SUGCT: variants seen among roughly 807,000 people sequenced by gnomAD.
SUGCT encodes the protein succinyl-CoA:glutarate-CoA transferase.
In SUGCT, 41 loss-of-function variants were observed where a neutral mutation model predicts 55.0. The observed-to-expected ratio is 0.74, with a 90% CI of 0.58 to 0.97. SUGCT has a LOEUF of 0.97. Among genes scored for constraint, SUGCT ranks in the 50% least tolerant of loss-of-function variants. The pLI, the probability that SUGCT is intolerant of heterozygous loss-of-function variation, is 0.00. For missense variants in SUGCT, 568 were observed against 547.8 expected (o/e 1.04, Z -0.37); for synonymous variants, 187 against 200.4 (o/e 0.93, Z 0.56).
intron 6 of SUGCT, among the ~76,000 whole-genome samples, chr7:40,208,156 A>G (rs888852824): frequency 2.6e-5 from 4 of 152,192 alleles, no homozygotes; most frequent in Admixed American, 2.0e-4. Flanking sequence ...GACAGGAAGT[A>G]AAATGGTAGT....
At chr7:40,171,872 G>A (rs1784686898) in intron 1 of SUGCT, among the ~76,000 whole-genome samples, 1 of 152,202 alleles carries the variant, frequency 6.6e-6, no homozygotes, top group South Asian at 2.1e-4. Flanking sequence ...TCACGGAGAA[G>A]ATCTTCAATT....
At chr7:40,526,036 C>A in intron 12 of SUGCT, among the ~76,000 whole-genome samples, 1 of 152,132 alleles carries the variant, frequency 6.6e-6, no homozygotes, top group South Asian at 2.1e-4. Context: ...CATGAATATA[C>A]AGTTACCTGT....
chr7:40,946,597 C>A, the SUGCT span, among the ~76,000 whole-genome samples: 2 of 152,096 alleles, frequency 1.3e-5, no homozygotes, highest in African/African-American at 2.4e-5. Flanking sequence ...TTCTAAAGGG[C>A]TTTTTAAAGT....
At chr7:40,195,208 C>G in intron 6 of SUGCT, 148 bp downstream of exon 6, 1 of 524,910 alleles carries the variant, frequency 1.9e-6, no homozygotes, top group South Asian at 4.1e-5. Context: ...GCTGAACTTA[C>G]TTTTTTCTTT....
rs149410540 is a variant in SUGCT, at chr7:40,582,105, C to T, written c.1089+85719C>T. 1.6e-4 allele frequency among the ~76,000 whole-genome samples: 25 copies of T among 152,116 alleles called. No homozygotes were observed. The East Asian group carries it at 4.6e-3, about 28-fold the overall frequency. On this transcript the variant is annotated intron_variant, in intron 12 of 13. Transcript: ENST00000335693. Reference sequence around the variant, plus strand: ...TACAGTTCTGGACAAACAGACATCGCTCTCTATAACAATAATAAGGAAAAG... The same window carrying T: ...TACAGTTCTGGACAAACAGACATCGTTCTCTATAACAATAATAAGGAAAAG...
intron 1 of SUGCT, among the ~76,000 whole-genome samples, chr7:40,140,326 T>G (rs893409131): frequency 4.6e-5 from 7 of 152,230 alleles, no homozygotes; most frequent in Admixed American, 1.3e-4. Flanking sequence ...TGTTGTCGAC[T>G]TTGTCAAAAA....
chr7:40,599,181 G>C (rs1030968003), intron 12 of SUGCT, among the ~76,000 whole-genome samples: 2 of 152,164 alleles, frequency 1.3e-5, no homozygotes, highest in Admixed American at 6.5e-5. Context: ...AGAAGCTGGT[G>C]CTCGAGATTT....
At chr7:40,553,231 A>C (rs1292358322) in intron 12 of SUGCT, among the ~76,000 whole-genome samples, 1 of 152,202 alleles carries the variant, frequency 6.6e-6, no homozygotes, top group African/African-American at 2.4e-5. Context: ...TTAAAGAAAG[A>C]ATGAGTTGAA....
chr7:40,647,712 A>G (rs1255749222), intron 12 of SUGCT, among the ~76,000 whole-genome samples: 1 of 151,872 alleles, frequency 6.6e-6, no homozygotes, highest in African/African-American at 2.4e-5. Flanking sequence ...TTAGCCAGGC[A>G]TGGGGGTGGG....
intron 1 of SUGCT, among the ~76,000 whole-genome samples, chr7:40,161,372 A>AT (rs1243559837): frequency 1.3e-5 from 2 of 151,924 alleles, no homozygotes; most frequent in Admixed American, 6.6e-5. Flanking sequence ...CTCTCTCTAT[A>AT]TTTTTTTGTG....
chr7:40,258,352 C>T (rs1363958176), intron 7 of SUGCT, among the ~76,000 whole-genome samples: 3 of 152,056 alleles, frequency 2.0e-5, no homozygotes, highest in African/African-American at 7.2e-5. Context: ...TCAGTTTTTC[C>T]ATCTGTAAAA....
intron 1 of SUGCT, among the ~76,000 whole-genome samples, chr7:40,170,145 G>C (rs7802584): frequency 0.51 from 77,625 of 152,030 alleles, 20,226 homozygotes; most frequent in Middle Eastern, 0.65. Context: ...AGGGTCTACA[G>C]TGGGAACTGC....
intron 12 of SUGCT, among the ~76,000 whole-genome samples, chr7:40,591,339 G>T (rs1231081503): frequency 6.6e-6 from 1 of 152,198 alleles, no homozygotes; most frequent in Non-Finnish European, 1.5e-5. Context: ...GGAGCCTGAA[G>T]ATGTCACTGA....
At chr7:40,854,474 T>TTTC (rs1563050917) in intron 13 of SUGCT, among the ~76,000 whole-genome samples, 50 of 135,396 alleles carry the variant, frequency 3.7e-4, no homozygotes, top group African/African-American at 1.3e-3. Flanking sequence ...CTTTCTTTCT[T>TTTC]TCTCTTTCTC....
the SUGCT span, among the ~76,000 whole-genome samples, chr7:40,934,654 G>A: frequency 2.0e-5 from 2 of 100,374 alleles, no homozygotes. Context: ...AATGGTGGAC[G>A]CCCCTCCCTC....
At chr7:40,429,910 A>G (rs1033265407) in intron 9 of SUGCT, among the ~76,000 whole-genome samples, 4 of 152,192 alleles carry the variant, frequency 2.6e-5, no homozygotes, top group African/African-American at 9.6e-5. Flanking sequence ...CCACATATTA[A>G]GTGAGATTAT....
At chr7:40,408,536 T>A (rs1207274255) in intron 9 of SUGCT, among the ~76,000 whole-genome samples, 1 of 152,204 alleles carries the variant, frequency 6.6e-6, no homozygotes, top group Non-Finnish European at 1.5e-5. Context: ...TTACCTGGGT[T>A]ATAGTTTATT....
the SUGCT span, among the ~76,000 whole-genome samples, chr7:41,023,596 G>GT: frequency 2.6e-5 from 4 of 152,242 alleles, no homozygotes; most frequent in South Asian, 8.3e-4. Flanking sequence ...AAATAGAATT[G>GT]TAAGGAGCGA....
chr7:40,953,091 A>G, the SUGCT span, among the ~76,000 whole-genome samples: 1 of 152,300 alleles, frequency 6.6e-6, no homozygotes, highest in African/African-American at 2.4e-5. Context: ...AGTTACACCA[A>G]TCAGACGTAG....
Sources: allele counts gnomAD v4.1 joint callset (sites outside exome capture counted in the v4.1 genomes callset), GRCh38; gene constraint gnomAD v4.1.1; transcripts MANE v1.5; gene names NCBI Gene and HGNC (gene_info 2026-07-23, HGNC 2026-07-21).